The following RNGTT variants were observed in gnomAD, a reference collection of about 807,000 sequenced individuals.
The protein encoded by RNGTT is RNA guanylyltransferase and 5'-phosphatase.
RNGTT carries 33 observed loss-of-function variants against 79.3 expected under a neutral mutation model. That is an observed-to-expected ratio of 0.42 (90% CI 0.32 to 0.56). RNGTT has a LOEUF of 0.56. Ranked by LOEUF, RNGTT falls within the 20% of genes least tolerant of loss-of-function variation. The pLI is 0.17. For synonymous variants in RNGTT, 222 were observed against 235.9 expected (o/e 0.94, Z 0.54); for missense variants, 497 against 739.1 (o/e 0.67, Z 3.80).
chr6:88,688,287 C>G (rs2127794319), intron 13 of RNGTT, among the ~76,000 whole-genome samples: 1 of 152,254 alleles, frequency 6.6e-6, no homozygotes, highest in South Asian at 2.1e-4. Context: ...ACAGAATTAA[C>G]ATTTTGATGT....
intron 13 of RNGTT, among the ~76,000 whole-genome samples, chr6:88,710,030 A>G (rs957033719): frequency 1.3e-5 from 2 of 152,246 alleles, no homozygotes; most frequent in African/African-American, 4.8e-5. Context: ...TAGCAAGGCT[A>G]AACATATTTT....
chr6:88,700,489 C>CA (rs749541365), intron 13 of RNGTT, among the ~76,000 whole-genome samples: 21 of 152,202 alleles, frequency 1.4e-4, no homozygotes, highest in Non-Finnish European at 2.9e-4. Flanking sequence ...TTTCTTTTCT[C>CA]AAGGATCTGT....
intron 13 of RNGTT, among the ~76,000 whole-genome samples, chr6:88,714,766 T>C (rs1776448219): frequency 6.6e-6 from 1 of 152,116 alleles, no homozygotes; most frequent in Non-Finnish European, 1.5e-5. Context: ...AAAAGTACTT[T>C]TAAAAATGTA....
At chr6:88,771,169 T>A (rs1452619762) in intron 12 of RNGTT, among the ~76,000 whole-genome samples, 1 of 151,262 alleles carries the variant, frequency 6.6e-6, no homozygotes, top group Non-Finnish European at 1.5e-5. Context: ...TTAAGGAATA[T>A]TTTCCTAAAG....
intron 12 of RNGTT, among the ~76,000 whole-genome samples, chr6:88,780,998 T>C (rs1779046418): frequency 6.6e-6 from 1 of 152,098 alleles, no homozygotes; most frequent in South Asian, 2.1e-4. Context: ...TGCCATCTAG[T>C]GGTTAAAGGC....
intron 13 of RNGTT, among the ~76,000 whole-genome samples, chr6:88,688,632 C>T (rs536834264): frequency 3.3e-5 from 5 of 152,268 alleles, no homozygotes; most frequent in African/African-American, 9.6e-5. Context: ...CAAAAAGACA[C>T]AGAAGCCAAC....
intron 6 of RNGTT, among the ~76,000 whole-genome samples, chr6:88,895,045 T>C (rs1783187906): frequency 6.6e-6 from 1 of 152,150 alleles, no homozygotes; most frequent in East Asian, 1.9e-4. Context: ...ATTATTTCTG[T>C]TTGTGAAAAT....
At chr6:88,777,588 T>G (rs1778930125) in intron 12 of RNGTT, among the ~76,000 whole-genome samples, 1 of 152,220 alleles carries the variant, frequency 6.6e-6, no homozygotes, top group Non-Finnish European at 1.5e-5. Flanking sequence ...ATTGTTTTCT[T>G]CATTCTCTTT....
chr6:88,843,454 T>C (rs1257056589), intron 11 of RNGTT, among the ~76,000 whole-genome samples: 1 of 147,952 alleles, frequency 6.8e-6, no homozygotes, highest in Non-Finnish European at 1.5e-5. Context: ...CAAATCTCTA[T>C]ACACTGACAT....
At chr6:88,787,627 C>G (rs1779272817) in intron 12 of RNGTT, among the ~76,000 whole-genome samples, 1 of 151,700 alleles carries the variant, frequency 6.6e-6, no homozygotes, top group Admixed American at 6.6e-5. Flanking sequence ...TCACTGCACT[C>G]CAGCCTGGGC....
intron 11 of RNGTT, among the ~76,000 whole-genome samples, chr6:88,843,539 A>C (rs978648432): frequency 1.4e-5 from 2 of 141,432 alleles, no homozygotes; most frequent in Non-Finnish European, 3.1e-5. Flanking sequence ...TGGAATATTT[A>C]GTATGATTCT....
chr6:88,884,712 T>C (rs1782799529), intron 8 of RNGTT, among the ~76,000 whole-genome samples: 1 of 151,618 alleles, frequency 6.6e-6, no homozygotes, highest in Admixed American at 6.6e-5. Flanking sequence ...ACTAATTGTA[T>C]TACAAATGAA....
At chr6:88,878,020 A>G (rs961608930) in intron 8 of RNGTT, among the ~76,000 whole-genome samples, 1 of 152,184 alleles carries the variant, frequency 6.6e-6, no homozygotes, top group Admixed American at 6.5e-5. Flanking sequence ...AAATTAGTAT[A>G]GTTAGTATAA....
chr6:88,808,280 A>C (rs1427813020), intron 11 of RNGTT, among the ~76,000 whole-genome samples: 1 of 152,206 alleles, frequency 6.6e-6, no homozygotes, highest in Non-Finnish European at 1.5e-5. Context: ...GAAATGAGGT[A>C]AGAACCCCAA....
At chr6:88,773,872 C>T (rs1405262567) in intron 12 of RNGTT, among the ~76,000 whole-genome samples, 1 of 152,072 alleles carries the variant, frequency 6.6e-6, no homozygotes, top group Non-Finnish European at 1.5e-5. Flanking sequence ...TAGAAGAAAA[C>T]ATAAGGCTCT....
intron 12 of RNGTT, among the ~76,000 whole-genome samples, chr6:88,799,042 G>A (rs1779693957): frequency 6.6e-6 from 1 of 151,740 alleles, no homozygotes; most frequent in African/African-American, 2.4e-5. Context: ...CAGTGTACTA[G>A]AAGTAGCAAT....
rs756155626 is a variant in RNGTT, at chr6:88,801,551, C to T, written c.1338+13G>A. The T allele has an allele frequency of 6.2e-7, 1 of 1,605,718 alleles. No individual in the cohort carries two copies. Among genetic ancestry groups the T allele is most frequent in the Non-Finnish European group, 8.5e-7 (1 of 1,173,808 alleles). Reference sequence around the variant, plus strand: ...ACACAAACGAACACACACACACAGACAAATGAACTTACTCCAGTAGGCTGA... The same window carrying T: ...ACACAAACGAACACACACACACAGATAAATGAACTTACTCCAGTAGGCTGA... On this transcript the variant is annotated intron_variant, in intron 12 of 15. Transcript: ENST00000369485.
intron 12 of RNGTT, among the ~76,000 whole-genome samples, chr6:88,792,125 A>G (rs1466444570): frequency 6.6e-6 from 1 of 152,200 alleles, no homozygotes; most frequent in East Asian, 1.9e-4. Context: ...CAAGTTTTAG[A>G]TATTAAAAAC....
intron 6 of RNGTT, among the ~76,000 whole-genome samples, chr6:88,895,965 A>G (rs1783232681): frequency 6.6e-6 from 1 of 151,934 alleles, no homozygotes; most frequent in Non-Finnish European, 1.5e-5. Flanking sequence ...CTTCCCCATC[A>G]CCTCAACCAT....
Sources: allele counts gnomAD v4.1 joint callset (sites outside exome capture counted in the v4.1 genomes callset), GRCh38; gene constraint gnomAD v4.1.1; transcripts MANE v1.5; gene names NCBI Gene and HGNC (gene_info 2026-07-23, HGNC 2026-07-21).